Variants in MADCAM1 observed in about 807,000 individuals in gnomAD.
The protein encoded by MADCAM1 is mucosal addressin cell adhesion molecule 1.
Under a neutral mutation model 26.1 loss-of-function variants are expected in MADCAM1, and 19 were observed. The ratio of observed to expected loss-of-function variants is 0.73; its 90% CI spans 0.51 to 1.07. The LOEUF (loss-of-function observed/expected upper bound fraction) is 1.07. Among genes scored for constraint, MADCAM1 ranks in the 50% least tolerant of loss-of-function variants. The probability of loss-of-function intolerance (pLI) is 0.00; values close to 1 mark genes in which losing one functional copy is unlikely to be tolerated. For missense variants in MADCAM1, 514 were observed against 542.1 expected, an observed-to-expected ratio of 0.95 and a Z score of 0.51; for synonymous variants, 268 against 260.9, an observed-to-expected ratio of 1.03 and a Z score of -0.26.
Position 498,080 on chromosome 19 carries a change from C to T in MADCAM1, c.300C>T (p.Gly100=). The T allele has an allele frequency of 3.4e-6, 5 of 1,449,712 alleles. No homozygotes were observed. The highest frequency in any genetic ancestry group is 3.6e-6 in the Non-Finnish European group (4 of 1,107,034). The allele number at this position is 1,449,712 out of a possible 1,614,324, so 89.8% of individuals were successfully genotyped here. The change falls in exon 2 of 5, where the codon GGC becomes GGT. Residue 100 remains glycine (G), a synonymous_variant. Transcript: ENST00000215637. ...GCGTGTGCGTGGGCTCCTGCGGGGG[C>T]CGCACCTTCCAGCACACCGTGCAGC... The part of the protein sequence containing the change: ...GTRVCVGSCG[G]RTFQHTVQLL...
chr19:498,305 C>G (rs923562429), intron 2 of MADCAM1, among the ~76,000 whole-genome samples, 188 bp downstream of exon 2: 1 of 152,122 alleles, frequency 6.6e-6, no homozygotes, highest in African/African-American at 2.4e-5. Flanking sequence ...CGGCCCTGGC[C>G]CATCCTCCTG....
At position 501,713 on chromosome 19, in the gene MADCAM1, C is replaced by CAGGAG. The variant is rs1978336204; in HGVS notation, c.712_713insAGGAG (p.Pro238GlnfsTer70). On this transcript the variant is annotated frameshift_variant, in exon 4 of 5. Coordinates refer to ENST00000215637, the MANE Select transcript of MADCAM1 (RefSeq NM_130760.3). LOFTEE classifies it high-confidence loss of function. ...CCCGGAGCCTCCCGACACCACCTCC[C>CAGGAG]CGGAGTCTCCCGACACCACCTCCCC... 6.6e-7 allele frequency: 1 copy of CAGGAG among 1,522,098 alleles called. No homozygotes were observed. The highest frequency in any genetic ancestry group is 1.6e-5 in the African/African-American group (1 of 63,678). 94.3% of individuals were successfully genotyped at this position (1,522,098 alleles called of 1,614,324 possible). A position where few individuals can be genotyped will look rare whatever the true frequency, so the allele number is the denominator to read the frequency against.
rs1438548293 is a variant in MADCAM1, at chr19:497,867, G to A, written c.87G>A (p.Glu29=). 23 of 1,339,590 alleles carry A rather than the reference G, an allele frequency of 1.7e-5. No homozygotes were observed. Among genetic ancestry groups the A allele is most frequent in the Non-Finnish European group, 2.2e-5 (23 of 1,053,308 alleles). 83.0% of individuals were successfully genotyped at this position (1,339,590 alleles called of 1,614,324 possible). The change falls in exon 2 of 5, where the codon GAG becomes GAA. Residue 29 remains glutamate (E), a synonymous_variant. Coordinates refer to ENST00000215637, the MANE Select transcript of MADCAM1 (RefSeq NM_130760.3). ...TCCAGGTGAAGCCCCTGCAGGTGGA[G>A]CCCCCGGAGCCGGTGGTGGCCGTGG... The part of the protein sequence containing the change: ...QSLQVKPLQV[E]PPEPVVAVAL...
At chr19:502,019 G>T in intron 4 of MADCAM1, 90 bp downstream of exon 4, 1 of 1,323,614 alleles carries the variant, frequency 7.6e-7, no homozygotes, top group South Asian at 1.6e-5. Context: ...AAATTGCCCT[G>T]CCCAGCCTTG....
chr19:500,740 A>G lies in MADCAM1; in HGVS notation c.668-929A>G, dbSNP rs550825574. On this transcript the variant is annotated intron_variant, in intron 3 of 4. Transcript: ENST00000215637. ...CAAATATTAGCCTGGCGTGGTGGTG[A>G]GCGCCTGTAATTCCAGCTACTCAGG... 3.4e-4 allele frequency among the ~76,000 whole-genome samples: 51 copies of G among 152,138 alleles called. 1 individual carries two copies. In the South Asian group the frequency reaches 5.6e-3, roughly 17 times the overall value.
chr19:497,862 G>A lies in MADCAM1; in HGVS notation c.82G>A (p.Val28Met). 1.5e-6 allele frequency: 2 copies of A among 1,338,490 alleles called. No homozygotes were observed. Among genetic ancestry groups the A allele is most frequent in the Non-Finnish European group, 1.9e-6 (2 of 1,052,590 alleles). The allele number at this position is 1,338,490 out of a possible 1,614,324, so 82.9% of individuals were successfully genotyped here. A position where few individuals can be genotyped will look rare whatever the true frequency, so the allele number is the denominator to read the frequency against. Residue 28 changes from valine (V) to methionine (M), a missense_variant, in exon 2 of 5, where the codon GTG (valine) becomes ATG (methionine). Val to Met is a conservative substitution (Grantham distance 21). Coordinates refer to ENST00000215637, the MANE Select transcript of MADCAM1 (RefSeq NM_130760.3). ...GTCCCTCCAGGTGAAGCCCCTGCAG[G>A]TGGAGCCCCCGGAGCCGGTGGTGGC... is the stretch of plus-strand genomic sequence containing the variant. ...GQSLQVKPLQVEPPEPVVAVA... is the reference protein window; with the variant it reads ...GQSLQVKPLQMEPPEPVVAVA...
rs139304491 is a variant in MADCAM1 at position 504,870 on chromosome 19, G to A, written c.1054G>A (p.Asp352Asn). 10 of 1,612,902 alleles carry A rather than the reference G, an allele frequency of 6.2e-6. No homozygotes were observed. The highest frequency in any genetic ancestry group is 1.1e-5 in the South Asian group (1 of 91,062). The change falls in exon 5 of 5, where the codon GAC (aspartate) becomes AAC (asparagine). Residue 352 changes from aspartate (D) to asparagine (N), a missense_variant. This residue lies in a region of MADCAM1 where 152 missense variants were observed against 136.7 expected (regional missense o/e 1.11). Coordinates refer to ENST00000215637, the MANE Select transcript of MADCAM1 (RefSeq NM_130760.3). Reference sequence around the variant, plus strand: ...ACGCTGCCGGCACCTGGCTGAGGACGACACCCACCCACCAGCTTCTCTGAG... The same window carrying A: ...ACGCTGCCGGCACCTGGCTGAGGACAACACCCACCCACCAGCTTCTCTGAG... ...WKRCRHLAED[D>N]THPPASLRLL...
At chr19:504,611 G>A in intron 4 of MADCAM1, 134 bp from the exon 5 acceptor site, 1 of 665,750 alleles carries the variant, frequency 1.5e-6, no homozygotes, top group Non-Finnish European at 2.6e-6. Context: ...AAAGGGTCAT[G>A]GTAAAGTCCT....
intron 4 of MADCAM1, among the ~76,000 whole-genome samples, chr19:504,307 A>G (rs1037429871): frequency 8.1e-6 from 1 of 123,180 alleles, no homozygotes; most frequent in Non-Finnish European, 1.6e-5. Context: ...TCTGTCACCC[A>G]GGCTGGAGTG....
At chr19:503,380 G>C (rs1426851694) in intron 4 of MADCAM1, among the ~76,000 whole-genome samples, 2 of 151,472 alleles carry the variant, frequency 1.3e-5, no homozygotes, top group East Asian at 2.0e-4. Flanking sequence ...AGGAGATCGA[G>C]ACCATCCTGG....
At chr19:500,236 A>AC (rs1978314166) in intron 3 of MADCAM1, 4 of 453,202 alleles carry the variant, frequency 8.8e-6, no homozygotes, top group Admixed American at 4.7e-5. Context: ...GGTGACTCTC[A>AC]CCCCTTTGAC....
chr19:498,892 TG>T (rs1282750667), intron 3 of MADCAM1, 67 bp downstream of exon 3: 176 of 62,228 alleles, frequency 2.8e-3, no homozygotes, highest in African/African-American at 8.7e-3. Context: ...CGGGACGGGG[TG>T]GGGGGGTGGG....
intron 2 of MADCAM1, 125 bp from the exon 3 acceptor site, chr19:498,371 T>C (rs1978296322): frequency 1.9e-6 from 2 of 1,073,272 alleles, no homozygotes; most frequent in Admixed American, 3.9e-5. Context: ...CCGTCCCTAC[T>C]GCCTGTTCAT....
Position 498,838 on chromosome 19 carries a change from G to A in MADCAM1, c.667+13G>A. The A allele has an allele frequency of 7.3e-7, 1 of 1,369,020 alleles. No individual in the cohort carries two copies. Among genetic ancestry groups the A allele is most frequent in the Non-Finnish European group, 9.5e-7 (1 of 1,050,946 alleles). 84.8% of individuals were successfully genotyped at this position (1,369,020 alleles called of 1,614,324 possible). On this transcript the variant is annotated intron_variant, in intron 3 of 4. Coordinates refer to ENST00000215637, the MANE Select transcript of MADCAM1 (RefSeq NM_130760.3). ...CAGGCCATCCCCGGTGAGTCCGCTG[G>A]GTGCCCTGGAGACCCACCCGCTCGC...
chr19:501,966 G>A (rs1358599536), intron 4 of MADCAM1, 37 bp downstream of exon 4: 5 of 1,456,966 alleles, frequency 3.4e-6, no homozygotes, highest in Middle Eastern at 2.3e-4. Flanking sequence ...AGGGTGGGAA[G>A]GGCTGAGAGC....
Position 501,666 on chromosome 19 carries a change from C to A in MADCAM1, c.668-3C>A. On this transcript the variant is annotated splice_polypyrimidine_tract_variant and splice_region_variant and intron_variant, in intron 3 of 4. Coordinates refer to ENST00000215637, the MANE Select transcript of MADCAM1 (RefSeq NM_130760.3). Reference sequence around the variant, plus strand: ...GAAAAAAAAACCCTCACTCTGTTTCCAGTCCTGCACAGCCCGACCTCCCCG... The same window carrying A: ...GAAAAAAAAACCCTCACTCTGTTTCAAGTCCTGCACAGCCCGACCTCCCCG... 6.2e-7 allele frequency: 1 copy of A among 1,600,492 alleles called. No individual in the cohort carries two copies. Among genetic ancestry groups the A allele is most frequent in the Non-Finnish European group, 8.5e-7 (1 of 1,174,952 alleles).
At position 498,213 on chromosome 19, in the gene MADCAM1, G is replaced by A. The variant is rs1172441847; in HGVS notation, c.337+96G>A. On this transcript the variant is annotated intron_variant, in intron 2 of 4. Transcript: ENST00000215637. Reference sequence around the variant, plus strand: ...CTGGAAGCCTCCCAGATTGCAGGCAGGGTCCCAGCTCCATGCACAGCTCCC... The same window carrying A: ...CTGGAAGCCTCCCAGATTGCAGGCAAGGTCCCAGCTCCATGCACAGCTCCC... 8 of 1,205,408 alleles carry A rather than the reference G, an allele frequency of 6.6e-6. No individual in the cohort carries two copies. In the African/African-American group the frequency reaches 7.9e-5, roughly 12 times the overall value. 74.7% of individuals were successfully genotyped at this position (1,205,408 alleles called of 1,614,324 possible). A position where few individuals can be genotyped will look rare whatever the true frequency, so the allele number is the denominator to read the frequency against.
At chr19:503,633 G>C in intron 4 of MADCAM1, among the ~76,000 whole-genome samples, 1 of 151,880 alleles carries the variant, frequency 6.6e-6, no homozygotes, top group African/African-American at 2.4e-5. Context: ...AAGCATGGTA[G>C]CTCATGCCTG....
rs139243918 is a variant in MADCAM1 at position 503,163 on chromosome 19, C to T, written c.928+1234C>T. ...CGAGCTTTGAAGAGGAACTTTTCTA[C>T]TTCCTACAGGTAATTTCAAATTTAA... On this transcript the variant is annotated intron_variant, in intron 4 of 4. Coordinates refer to ENST00000215637, the MANE Select transcript of MADCAM1 (RefSeq NM_130760.3). 5.9e-5 allele frequency among the ~76,000 whole-genome samples: 9 copies of T among 152,288 alleles called. No homozygotes were observed. The East Asian group carries it at 1.3e-3, about 23-fold the overall frequency.
Sources: gnomAD v4.1 joint callset for allele counts (sites outside exome capture counted in the v4.1 genomes callset) on GRCh38, gnomAD v4.1.1 for gene constraint, gnomAD v4.1.1 regional missense constraint, MANE v1.5 for transcripts, NCBI Gene and HGNC (gene_info 2026-07-23, HGNC 2026-07-21) for gene names.